The following AKAP19 variants were observed in gnomAD, a reference collection of about 807,000 sequenced individuals.
AKAP19 encodes A-kinase anchoring protein 19, also known as small A-kinase anchoring protein.
chr2:189,923,339 G>T, the AKAP19 span: 14 of 1,611,320 alleles, frequency 8.7e-6, no homozygotes, highest in Non-Finnish European at 1.2e-5. Context: ...AAACACAATG[G>T]CCAGCAACGT....
At chr2:190,103,637 A>G in the AKAP19 span, among the ~76,000 whole-genome samples, 2 of 152,236 alleles carry the variant, frequency 1.3e-5, no homozygotes, top group Non-Finnish European at 2.9e-5. Context: ...CCAAGGAGGT[A>G]AAAGATCTCT....
chr2:190,061,678 G>A, the AKAP19 span, among the ~76,000 whole-genome samples: 18 of 151,758 alleles, frequency 1.2e-4, no homozygotes, highest in Non-Finnish European at 2.4e-4. Flanking sequence ...TTTAATTTTT[G>A]CATATTCTTC....
chr2:190,051,555 C>G, the AKAP19 span, among the ~76,000 whole-genome samples: 1 of 152,268 alleles, frequency 6.6e-6, no homozygotes, highest in East Asian at 1.9e-4. Context: ...AGCTAATTCT[C>G]CCATAAGAAA....
At chr2:189,889,145 G>C in the AKAP19 span, among the ~76,000 whole-genome samples, 1 of 150,584 alleles carries the variant, frequency 6.6e-6, no homozygotes, top group Non-Finnish European at 1.5e-5. Flanking sequence ...TTAGTATGAA[G>C]GGGTGTTGTA....
the AKAP19 span, among the ~76,000 whole-genome samples, chr2:190,077,017 T>G: frequency 2.0e-5 from 3 of 152,134 alleles, no homozygotes; most frequent in African/African-American, 7.2e-5. Flanking sequence ...TTTCTTCTGG[T>G]ACAACTGATT....
the AKAP19 span, among the ~76,000 whole-genome samples, chr2:190,038,911 TTC>T: frequency 3.6e-3 from 400 of 112,030 alleles, 9 homozygotes; most frequent in African/African-American, 0.017. Flanking sequence ...TTTCTTCTTC[TTC>T]TTCTTCTTCT....
At chr2:189,939,996 T>C in the AKAP19 span, among the ~76,000 whole-genome samples, 2 of 152,016 alleles carry the variant, frequency 1.3e-5, no homozygotes, top group African/African-American at 4.8e-5. Context: ...AATACAAAAA[T>C]TGGCCAGGTG....
the AKAP19 span, among the ~76,000 whole-genome samples, chr2:190,088,614 G>T: frequency 6.6e-6 from 1 of 151,870 alleles, no homozygotes; most frequent in African/African-American, 2.4e-5. Flanking sequence ...ACTCATAAAG[G>T]CTAAAGAAAA....
At chr2:189,899,586 A>G in the AKAP19 span, among the ~76,000 whole-genome samples, 14 of 76,860 alleles carry the variant, frequency 1.8e-4, no homozygotes, top group Non-Finnish European at 5.0e-4. Flanking sequence ...TGTTTCTGTA[A>G]TAAATTTGAT....
the AKAP19 span, among the ~76,000 whole-genome samples, chr2:190,003,760 G>C: frequency 9.2e-5 from 14 of 152,006 alleles, no homozygotes; most frequent in African/African-American, 3.1e-4. Context: ...GCTACTGCTC[G>C]GGAGGCTAAG....
At chr2:190,145,291 G>A in the AKAP19 span, among the ~76,000 whole-genome samples, 4 of 152,140 alleles carry the variant, frequency 2.6e-5, no homozygotes, top group African/African-American at 7.2e-5. Context: ...GTCAGTAGTA[G>A]ATAGAACTCT....
the AKAP19 span, among the ~76,000 whole-genome samples, chr2:189,947,758 C>T: frequency 6.6e-6 from 1 of 151,976 alleles, no homozygotes; most frequent in Admixed American, 6.5e-5. Flanking sequence ...ATATAGATTA[C>T]TCTTGGTGAT....
the AKAP19 span, among the ~76,000 whole-genome samples, chr2:190,021,222 T>C: frequency 1.3e-5 from 2 of 151,966 alleles, no homozygotes; most frequent in South Asian, 4.1e-4. Flanking sequence ...TTGTTTCCAA[T>C]TAAAAGCAAT....
the AKAP19 span, among the ~76,000 whole-genome samples, chr2:190,023,730 A>G: frequency 1.3e-5 from 2 of 150,820 alleles, no homozygotes; most frequent in Non-Finnish European, 1.5e-5. Context: ...GTGCTTTGAC[A>G]TCTTCTGGAG....
the AKAP19 span, among the ~76,000 whole-genome samples, chr2:190,087,055 A>G: frequency 6.6e-6 from 1 of 152,294 alleles, no homozygotes; most frequent in Non-Finnish European, 1.5e-5. Flanking sequence ...AGGAATAATA[A>G]TGGAACCACC....
the AKAP19 span, among the ~76,000 whole-genome samples, chr2:190,059,861 AAAGT>A: frequency 1.3e-5 from 2 of 151,976 alleles, no homozygotes; most frequent in South Asian, 2.1e-4. Context: ...ATCTTGATGC[AAAGT>A]AAGAGTATCA....
At chr2:190,184,297 A>G in the AKAP19 span, among the ~76,000 whole-genome samples, 1 of 152,206 alleles carries the variant, frequency 6.6e-6, no homozygotes, top group Non-Finnish European at 1.5e-5. Context: ...AACAGTTTCA[A>G]CACTGCATTG....
chr2:189,988,139 G>T, the AKAP19 span, among the ~76,000 whole-genome samples: 1 of 152,236 alleles, frequency 6.6e-6, no homozygotes, highest in East Asian at 1.9e-4. Context: ...AGGTCCAGGT[G>T]GGGCCATCTG....
the AKAP19 span, among the ~76,000 whole-genome samples, chr2:189,997,402 G>A: frequency 2.0e-5 from 3 of 152,194 alleles, no homozygotes; most frequent in East Asian, 1.9e-4. Flanking sequence ...ATACCATCTG[G>A]TGGGGTACAG....
Sources: allele counts gnomAD v4.1 joint callset (sites outside exome capture counted in the v4.1 genomes callset), GRCh38; gene constraint gnomAD v4.1.1; transcripts MANE v1.5; gene names NCBI Gene and HGNC (gene_info 2026-07-23, HGNC 2026-07-21).